The following RANBP17 variants were observed in gnomAD, a reference collection of about 807,000 sequenced individuals.
RANBP17 encodes the protein ran-binding protein 17.
RANBP17 carries 158 observed loss-of-function variants against 141.2 expected under a neutral mutation model. The observed-to-expected ratio is 1.12, with a 90% CI of 0.98 to 1.28. The LOEUF (loss-of-function observed/expected upper bound fraction) is 1.28. Among genes scored for constraint, RANBP17 ranks in the 50% most tolerant of loss-of-function variants. The pLI is 0.00. For missense variants in RANBP17, 1,438 were observed against 1,290.7 expected, an observed-to-expected ratio of 1.11 and a Z score of -1.75; for synonymous variants, 430 against 450.0, an observed-to-expected ratio of 0.96 and a Z score of 0.56.
chr5:171,170,745 A>G (rs953409302), intron 15 of RANBP17, among the ~76,000 whole-genome samples: 1 of 152,102 alleles, frequency 6.6e-6, no homozygotes, highest in African/African-American at 2.4e-5. Flanking sequence ...ACCCCGCTTT[A>G]TCTGTGTAAC....
At chr5:171,112,198 G>C (rs1304375016) in intron 14 of RANBP17, among the ~76,000 whole-genome samples, 1 of 152,062 alleles carries the variant, frequency 6.6e-6, no homozygotes, top group Non-Finnish European at 1.5e-5. Context: ...TGCTTGGTGA[G>C]CAGGGATAAC....
chr5:170,984,990 C>T lies in RANBP17; in HGVS notation c.1710+16613C>T, dbSNP rs190545581. Among the ~76,000 whole-genome samples the T allele has an allele frequency of 1.7e-3, 264 of 151,950 alleles. 1 individual carries two copies. The highest frequency in any genetic ancestry group is 6.2e-3 in the African/African-American group (259 of 41,470). ...ACAGACACACACACAAAGACACACA[C>T]ATATACACAGACACACAGACACATA... On this transcript the variant is annotated intron_variant, in intron 14 of 27. Transcript: ENST00000523189.
chr5:171,152,585 AG>A (rs1463571727), intron 14 of RANBP17, among the ~76,000 whole-genome samples: 1 of 152,110 alleles, frequency 6.6e-6, no homozygotes, highest in Non-Finnish European at 1.5e-5. Context: ...CTGGCTTTTA[AG>A]GTTCTCCATA....
At chr5:171,126,249 A>G (rs1389520246) in intron 14 of RANBP17, among the ~76,000 whole-genome samples, 1 of 152,202 alleles carries the variant, frequency 6.6e-6, no homozygotes, top group East Asian at 1.9e-4. Context: ...TAAAGAAGGA[A>G]ATTTTTAAAA....
chr5:171,103,631 C>T (rs1730315138), intron 14 of RANBP17, among the ~76,000 whole-genome samples: 1 of 152,006 alleles, frequency 6.6e-6, no homozygotes, highest in Non-Finnish European at 1.5e-5. Context: ...ACTGGCGTTC[C>T]AGGTGCCAGT....
At chr5:170,917,553 A>G (rs938510247) in intron 9 of RANBP17, among the ~76,000 whole-genome samples, 2 of 152,130 alleles carry the variant, frequency 1.3e-5, no homozygotes, top group African/African-American at 4.8e-5. Context: ...TTGGGGGGTG[A>G]CATATATCTT....
chr5:171,222,461 A>T (rs1216833715), intron 22 of RANBP17, among the ~76,000 whole-genome samples: 1 of 152,176 alleles, frequency 6.6e-6, no homozygotes. Context: ...ATGGATAAAA[A>T]TCCTCTGTAA....
At chr5:170,908,422 C>T (rs1214504066) in intron 5 of RANBP17, among the ~76,000 whole-genome samples, 2 of 151,624 alleles carry the variant, frequency 1.3e-5, no homozygotes, top group Non-Finnish European at 2.9e-5. Flanking sequence ...AGCAGAAAAC[C>T]AAATACCACA....
intron 14 of RANBP17, among the ~76,000 whole-genome samples, chr5:171,064,252 C>A (rs1248935208): frequency 1.3e-5 from 2 of 152,194 alleles, no homozygotes; most frequent in Admixed American, 1.3e-4. Context: ...CCGTCTTCTG[C>A]GTCACTCACG....
intron 14 of RANBP17, among the ~76,000 whole-genome samples, chr5:171,167,285 A>G (rs1475874502): frequency 1.3e-5 from 2 of 152,200 alleles, no homozygotes; most frequent in Non-Finnish European, 2.9e-5. Context: ...AATGTTTGAA[A>G]TGTTTAAAAT....
At chr5:171,258,800 T>G (rs1270991555) in intron 24 of RANBP17, among the ~76,000 whole-genome samples, 2 of 152,138 alleles carry the variant, frequency 1.3e-5, no homozygotes, top group Non-Finnish European at 2.9e-5. Context: ...GGGAAAACTC[T>G]TCTGAACATT....
chr5:171,240,318 CA>C (rs1364531239), intron 22 of RANBP17, among the ~76,000 whole-genome samples: 1 of 152,002 alleles, frequency 6.6e-6, no homozygotes, highest in Non-Finnish European at 1.5e-5. Context: ...AATTTAAGTA[CA>C]ATTTTTAAAA....
chr5:171,205,407 C>G (rs890127815), intron 19 of RANBP17, 117 bp from the exon 20 acceptor site: 7 of 780,502 alleles, frequency 9.0e-6, no homozygotes, highest in Admixed American at 4.5e-5. Flanking sequence ...GAGGTCTGAA[C>G]GAGACATTTT....
In RANBP17 at chr5:170,919,424, G is replaced by C; in HGVS notation, c.1102-17G>C. 6.6e-7 allele frequency: 1 copy of C among 1,503,998 alleles called. No individual in the cohort carries two copies. The highest frequency in any genetic ancestry group is 8.9e-7 in the Non-Finnish European group (1 of 1,118,160). The allele number at this position is 1,503,998 out of a possible 1,614,324, so 93.2% of individuals were successfully genotyped here. On this transcript the variant is annotated splice_polypyrimidine_tract_variant and intron_variant, in intron 10 of 27. Transcript: ENST00000523189. Reference sequence around the variant, plus strand: ...AGATGTAATATTTTAAATAACTTCTGCTTTATTTCTTTGTAGCACTGGGAA... The same window carrying C: ...AGATGTAATATTTTAAATAACTTCTCCTTTATTTCTTTGTAGCACTGGGAA...
chr5:171,264,711 T>C (rs1766551718), intron 24 of RANBP17, among the ~76,000 whole-genome samples: 1 of 152,216 alleles, frequency 6.6e-6, no homozygotes, highest in African/African-American at 2.4e-5. Flanking sequence ...AGGTCTTTTA[T>C]AAATGGTGAA....
At chr5:171,042,054 C>G (rs934230096) in intron 14 of RANBP17, among the ~76,000 whole-genome samples, 5 of 152,042 alleles carry the variant, frequency 3.3e-5, no homozygotes, top group Non-Finnish European at 7.4e-5. Context: ...CTATCCATGT[C>G]CCTGCAAAGG....
intron 14 of RANBP17, among the ~76,000 whole-genome samples, chr5:171,125,486 A>T (rs895045175): frequency 2.0e-5 from 3 of 152,110 alleles, no homozygotes; most frequent in Non-Finnish European, 4.4e-5. Context: ...GTAAATATAT[A>T]TGCACTCAAC....
intron 16 of RANBP17, among the ~76,000 whole-genome samples, chr5:171,179,118 A>AT (rs1024261022): frequency 2.9e-4 from 44 of 152,182 alleles, no homozygotes; most frequent in South Asian, 1.0e-3. Context: ...CCTGAATGGT[A>AT]TTGCCTAGGT....
intron 14 of RANBP17, among the ~76,000 whole-genome samples, chr5:170,990,343 C>T (rs766535618): frequency 9.2e-5 from 14 of 151,826 alleles, no homozygotes; most frequent in Non-Finnish European, 1.8e-4. Context: ...TAATGTTAAG[C>T]GTCTTGCCAG....
Sources: allele counts gnomAD v4.1 joint callset (sites outside exome capture counted in the v4.1 genomes callset), GRCh38; gene constraint gnomAD v4.1.1; transcripts MANE v1.5; gene names NCBI Gene and HGNC (gene_info 2026-07-23, HGNC 2026-07-21).